The following MDM4 variants were observed in gnomAD, a reference collection of about 807,000 sequenced individuals.
MDM4 encodes MDM4 regulator of p53.
MDM4 carries 2 observed loss-of-function variants against 60.2 expected under a neutral mutation model. The observed-to-expected ratio is 0.03, with a 90% confidence interval of 0.01 to 0.10. The LOEUF is 0.10. MDM4 is among the 10% of genes least tolerant of loss of function. The pLI is 1.00. For missense variants in MDM4, 447 were observed against 577.5 expected (o/e 0.77, Z 2.32); for synonymous variants, 202 against 198.1 (o/e 1.02, Z -0.17).
At chr1:204,543,250 C>T (rs1572512910) in intron 8 of MDM4, among the ~76,000 whole-genome samples, 1 of 152,152 alleles carries the variant, frequency 6.6e-6, no homozygotes, top group East Asian at 1.9e-4. Flanking sequence ...CTGGGAGTCC[C>T]AGCCTATAAC....
At chr1:204,549,080 CT>C in intron 10 of MDM4, 32 bp from the exon 11 acceptor site, 1 of 1,317,752 alleles carries the variant, frequency 7.6e-7, no homozygotes, top group South Asian at 1.3e-5. Flanking sequence ...TATTAACCCC[CT>C]GAGTATTAAT....
chr1:204,522,208 G>T (rs1250981457), intron 1 of MDM4, among the ~76,000 whole-genome samples: 1 of 151,774 alleles, frequency 6.6e-6, no homozygotes, highest in Non-Finnish European at 1.5e-5. Context: ...TGCACCTGTA[G>T]TCCCAACTAC....
chr1:204,521,468 T>A (rs573137959), intron 1 of MDM4, among the ~76,000 whole-genome samples: 9 of 152,216 alleles, frequency 5.9e-5, no homozygotes, highest in African/African-American at 1.9e-4. Flanking sequence ...AGGTGGCAAC[T>A]GGGGCTGGAA....
rs1176815905 is a variant in MDM4 at position 204,517,229 on chromosome 1, G to A, written c.-36+720G>A. On this transcript the variant is annotated intron_variant, in intron 1 of 10. Transcript: ENST00000367182. ...TGCACTCCAGCTTGGGCTACAGAGGGAGATTCCGTCTCAAAAAAAAAAAAA... is the reference window on the plus strand; with the variant it reads ...TGCACTCCAGCTTGGGCTACAGAGGAAGATTCCGTCTCAAAAAAAAAAAAA... Among the ~76,000 whole-genome samples, 9 of 150,394 alleles carry A rather than the reference G, an allele frequency of 6.0e-5. 1 individual carries two copies. Among genetic ancestry groups the A allele is most frequent in the African/African-American group, 2.2e-4 (9 of 40,908 alleles).
Position 204,531,878 on chromosome 1 carries a change from T to A in MDM4, c.288-313T>A, listed in dbSNP as rs376694951. Reference sequence around the variant, plus strand: ...CCACCCCCACTTTCCAATTACAATGTGAAACTTCAGTCCTGGAAGGAAGGA... The same window carrying A: ...CCACCCCCACTTTCCAATTACAATGAGAAACTTCAGTCCTGGAAGGAAGGA... On this transcript the variant is annotated intron_variant, in intron 4 of 10. Coordinates refer to ENST00000367182, the MANE Select transcript of MDM4 (RefSeq NM_002393.5). Among the ~76,000 whole-genome samples the A allele has an allele frequency of 2.0e-5, 3 of 152,076 alleles. No individual in the cohort carries two copies. In the East Asian group the frequency reaches 5.8e-4, roughly 29 times the overall value.
chr1:204,527,396 G>A (rs1321962934), intron 3 of MDM4, among the ~76,000 whole-genome samples: 1 of 152,180 alleles, frequency 6.6e-6, no homozygotes, highest in Non-Finnish European at 1.5e-5. Flanking sequence ...GCTCACGCCT[G>A]TAATCCCAGC....
At chr1:204,521,315 A>G (rs1659546950) in intron 1 of MDM4, among the ~76,000 whole-genome samples, 1 of 152,092 alleles carries the variant, frequency 6.6e-6, no homozygotes, top group African/African-American at 2.4e-5. Flanking sequence ...GCTGAGTTGG[A>G]TAGTTCTTGT....
Position 204,557,547 on chromosome 1 carries a change from C to T in MDM4, c.*7865C>T, listed in dbSNP as rs1229290952. 4 of 171,634 alleles carry T rather than the reference C, an allele frequency of 2.3e-5. No homozygotes were observed. Among genetic ancestry groups the T allele is most frequent in the Admixed American group, 6.4e-5 (1 of 15,700 alleles). 10.6% of individuals were successfully genotyped at this position (171,634 alleles called of 1,614,324 possible). On this transcript the variant is annotated 3_prime_UTR_variant, in exon 11 of 11. Transcript: ENST00000367182. Reference sequence around the variant, plus strand: ...CCTCTCAAGTAGCTGGGACTACAGGCGTGCACCACCACACCTGGCTAATTT... The same window carrying T: ...CCTCTCAAGTAGCTGGGACTACAGGTGTGCACCACCACACCTGGCTAATTT...
chr1:204,526,625 G>A (rs762299986), intron 3 of MDM4, among the ~76,000 whole-genome samples, 191 bp downstream of exon 3: 7 of 151,984 alleles, frequency 4.6e-5, no homozygotes, highest in Non-Finnish European at 7.4e-5. Flanking sequence ...TGCCACGCCC[G>A]GCTAATTTTT....
At position 204,529,152 on chromosome 1, in the gene MDM4, G is replaced by A. The variant is rs976095903; in HGVS notation, c.154-1532G>A. On this transcript the variant is annotated intron_variant, in intron 3 of 10. Transcript: ENST00000367182. The stretch of plus-strand genomic sequence containing the variant: ...GGAAGAGCTGCTTCCACTGCTGGAT[G>A]AATTTCCACAGGGCTGAGAAGCCGT... The A allele has an allele frequency of 4.2e-6, 4 of 963,212 alleles. No individual in the cohort carries two copies. The African/African-American group carries it at 4.8e-5, about 12-fold the overall frequency. 59.7% of individuals were successfully genotyped at this position (963,212 alleles called of 1,614,324 possible). A position where few individuals can be genotyped will look rare whatever the true frequency, so the allele number is the denominator to read the frequency against.
chr1:204,519,146 A>G (rs935394283), intron 1 of MDM4, among the ~76,000 whole-genome samples: 1 of 152,214 alleles, frequency 6.6e-6, no homozygotes, highest in Non-Finnish European at 1.5e-5. Context: ...AGTGCAAGAT[A>G]AGAGTGAAAA....
intron 9 of MDM4, among the ~76,000 whole-genome samples, 153 bp downstream of exon 9, chr1:204,544,837 A>C (rs1341130769): frequency 6.6e-6 from 1 of 152,226 alleles, no homozygotes; most frequent in Non-Finnish European, 1.5e-5. Flanking sequence ...GATTCACATT[A>C]AGTAATGTTA....
intron 2 of MDM4, among the ~76,000 whole-genome samples, chr1:204,525,983 G>A (rs1660094457): frequency 6.6e-6 from 1 of 152,108 alleles, no homozygotes; most frequent in Non-Finnish European, 1.5e-5. Flanking sequence ...TGCTGGGCGA[G>A]GTGGGTCATG....
intron 3 of MDM4, among the ~76,000 whole-genome samples, chr1:204,526,901 ACAT>A (rs1320465840): frequency 6.6e-6 from 1 of 152,210 alleles, no homozygotes; most frequent in African/African-American, 2.4e-5. Flanking sequence ...GTTAGGTTGA[ACAT>A]CATATTTCCT....
At chr1:204,536,212 A>T (rs1162933908) in intron 5 of MDM4, among the ~76,000 whole-genome samples, 1 of 152,212 alleles carries the variant, frequency 6.6e-6, no homozygotes, top group Middle Eastern at 3.2e-3. Context: ...AGATTGCGCC[A>T]CTGCTCTCCA....
rs570176492 is a variant in MDM4 at position 204,550,048 on chromosome 1, A to T, written c.*366A>T. On this transcript the variant is annotated 3_prime_UTR_variant, in exon 11 of 11. Transcript: ENST00000367182. ...ATCTGAGTAACCACCCAAAAAAGCA[A>T]TAGAATGTTTCTGTCACCCCAAAAC... is the stretch of plus-strand genomic sequence containing the variant. The T allele has an allele frequency of 1.6e-5, 4 of 243,416 alleles. No homozygotes were observed. Among genetic ancestry groups the T allele is most frequent in the Non-Finnish European group, 2.4e-5 (3 of 125,098 alleles). The allele number at this position is 243,416 out of a possible 1,614,324, so 15.1% of individuals were successfully genotyped here. A position where few individuals can be genotyped will look rare whatever the true frequency, so the allele number is the denominator to read the frequency against.
At chr1:204,532,699 T>G (rs1432852839) in intron 5 of MDM4, 5 of 1,513,552 alleles carry the variant, frequency 3.3e-6, no homozygotes, top group Non-Finnish European at 4.5e-6. Context: ...TTGGTTGATA[T>G]GTCTCATAAG....
chr1:204,545,573 G>T (rs766641358), intron 9 of MDM4, among the ~76,000 whole-genome samples: 6 of 152,154 alleles, frequency 3.9e-5, no homozygotes, highest in Non-Finnish European at 8.8e-5. Context: ...AGTTCCTGAA[G>T]GATACCCTAG....
At chr1:204,525,386 A>G in intron 1 of MDM4, 98 bp from the exon 2 acceptor site, 4 of 1,445,422 alleles carry the variant, frequency 2.8e-6, no homozygotes, top group Non-Finnish European at 2.7e-6. Flanking sequence ...TATATGTGTC[A>G]TATGTGTCTT....
Sources: gnomAD v4.1 joint callset for allele counts (sites outside exome capture counted in the v4.1 genomes callset) on GRCh38, gnomAD v4.1.1 for gene constraint, MANE v1.5 for transcripts, NCBI Gene and HGNC (gene_info 2026-07-23, HGNC 2026-07-21) for gene names.